The following NUMA1 variants were observed in gnomAD, a reference collection of about 807,000 sequenced individuals.
NUMA1 encodes nuclear mitotic apparatus protein 1, also known as SP-H antigen.
NUMA1 carries 62 observed loss-of-function variants against 237.1 expected under a neutral mutation model. The observed-to-expected ratio is 0.26, with a 90% CI of 0.21 to 0.32. NUMA1 has a LOEUF of 0.32. NUMA1 is among the 10% of genes least tolerant of loss of function. The pLI is 1.00. For missense variants in NUMA1, 2,533 were observed against 2,666.5 expected, an observed-to-expected ratio of 0.95 and a Z score of 1.10; for synonymous variants, 1,028 against 1,066.1, an observed-to-expected ratio of 0.96 and a Z score of 0.70.
At chr11:72,069,525 ATGGCTTAAAAACCAGGACTTCTCTGCAG>A (rs1239650499) in intron 2 of NUMA1, among the ~76,000 whole-genome samples, 5 of 152,216 alleles carry the variant, frequency 3.3e-5, no homozygotes, top group Admixed American at 2.6e-4. Context: ...CAGAGAAATG[ATGGCTTAAAAACCAGGACTTCTCTGCAG>A]TGGCCTCAAT....
intron 2 of NUMA1, among the ~76,000 whole-genome samples, chr11:72,046,407 G>A (rs1377713865): frequency 6.6e-6 from 1 of 152,176 alleles, no homozygotes; most frequent in African/African-American, 2.4e-5. Flanking sequence ...AGCTGGGTGT[G>A]GTGGCGCATG....
chr11:72,046,288 T>C (rs1941992533), intron 2 of NUMA1, among the ~76,000 whole-genome samples: 1 of 152,072 alleles, frequency 6.6e-6, no homozygotes, highest in Non-Finnish European at 1.5e-5. Context: ...CTCACGCCTG[T>C]AATCCCAGCA....
At chr11:72,019,949 G>A (rs1938519095) in intron 8 of NUMA1, among the ~76,000 whole-genome samples, 1 of 152,140 alleles carries the variant, frequency 6.6e-6, no homozygotes, top group South Asian at 2.1e-4. Context: ...GACGGCTTGG[G>A]GAGCCCTGAG....
intron 3 of NUMA1, among the ~76,000 whole-genome samples, chr11:72,034,480 G>C (rs951270238): frequency 6.6e-6 from 1 of 151,846 alleles, no homozygotes; most frequent in African/African-American, 2.4e-5. Context: ...AGGTCAAGGA[G>C]GGCGGACCAC....
intron 2 of NUMA1, among the ~76,000 whole-genome samples, chr11:72,061,752 T>C (rs1364116362): frequency 6.6e-6 from 1 of 152,080 alleles, no homozygotes. Context: ...CCTCCCAAAG[T>C]GCTGGGATTA....
chr11:72,049,560 A>ATATATATATATATATATATATATATAT (rs59229987), intron 2 of NUMA1: 778 of 40,868 alleles, frequency 0.019, 241 homozygotes, highest in East Asian at 0.036. Flanking sequence ...AAATAATAAT[A>ATATATATATATATATATATATATATAT]ATATATATAT....
intron 3 of NUMA1, among the ~76,000 whole-genome samples, chr11:72,029,675 T>C (rs1225468861): frequency 6.6e-6 from 1 of 152,234 alleles, no homozygotes; most frequent in Non-Finnish European, 1.5e-5. Context: ...TCTGTAGCTC[T>C]TGAATGTATT....
At chr11:72,056,457 G>C (rs1300930357) in intron 2 of NUMA1, among the ~76,000 whole-genome samples, 1 of 151,340 alleles carries the variant, frequency 6.6e-6, no homozygotes, top group Non-Finnish European at 1.5e-5. Flanking sequence ...AAGTAGCTGG[G>C]ATTCCAGGTG....
Position 72,014,533 on chromosome 11 carries a change from C to G in NUMA1, c.2970G>C (p.Glu990Asp). Reference protein sequence around the residue: ...ELERLRAALMESQGQQQEERG... With the variant: ...ELERLRAALMDSQGQQQEERG... ...GCTCCTCCTGCTGCTGCCCCTGGCTCTCCATCAGCGCGGCCCGCAGCCGTT... is the reference window on the plus strand; with the variant it reads ...GCTCCTCCTGCTGCTGCCCCTGGCTGTCCATCAGCGCGGCCCGCAGCCGTT... The change falls in exon 15 of 27, where the codon GAG becomes GAC. Residue 990 changes from glutamate to aspartate, a missense_variant. This residue lies in a region of NUMA1 where 1,414 missense variants were observed against 1,508.1 expected (regional missense o/e 0.94). Coordinates refer to ENST00000393695, the MANE Select transcript of NUMA1 (RefSeq NM_006185.4). This position sits in a 1 kb window ranked among gnomAD's most constrained non-coding sequence, Gnocchi z 4.6. The G allele has an allele frequency of 6.2e-7, 1 of 1,602,238 alleles. No homozygotes were observed. The highest frequency in any genetic ancestry group is 8.5e-7 in the Non-Finnish European group (1 of 1,179,962).
chr11:72,056,424 CG>C (rs1565281778), intron 2 of NUMA1, among the ~76,000 whole-genome samples: 1 of 150,258 alleles, frequency 6.7e-6, no homozygotes, highest in African/African-American at 2.5e-5. Context: ...CAGTTTCAAG[CG>C]ATTCTCCTGC....
chr11:72,054,583 G>A (rs1197070632), intron 2 of NUMA1, among the ~76,000 whole-genome samples: 2 of 151,910 alleles, frequency 1.3e-5, no homozygotes, highest in Non-Finnish European at 2.9e-5. Flanking sequence ...AATCTTTCAC[G>A]ATGTTAAGCA....
At chr11:72,009,816 T>C (rs1461339702) in intron 17 of NUMA1, among the ~76,000 whole-genome samples, 3 of 152,208 alleles carry the variant, frequency 2.0e-5, no homozygotes, top group Admixed American at 6.5e-5. Context: ...CACTTCACCC[T>C]CTTTTCAGAG....
Position 72,007,216 on chromosome 11 carries a change from C to T in NUMA1, c.5436G>A (p.Thr1812=), listed in dbSNP as rs1336963810. The change falls in exon 21 of 27, where the codon ACG becomes ACA. Residue 1812 remains threonine (T), a synonymous_variant. Coordinates refer to ENST00000393695, the MANE Select transcript of NUMA1 (RefSeq NM_006185.4). ...TGGTCATGGTGATGTTGATGATCTGCGTGGTGCGCCGACGAGCGGAGCGGG... is the reference window on the plus strand; with the variant it reads ...TGGTCATGGTGATGTTGATGATCTGTGTGGTGCGCCGACGAGCGGAGCGGG... ...RKTRSARRRT[T]QIINITMTKK... 23 of 1,611,028 alleles carry T rather than the reference C, an allele frequency of 1.4e-5. No homozygotes were observed. Among genetic ancestry groups the T allele is most frequent in the African/African-American group, 4.0e-5 (3 of 74,912 alleles).
Position 72,052,770 on chromosome 11 carries a change from CA to C in NUMA1, c.-32-16796del, listed in dbSNP as rs375208516. 1.3e-3 allele frequency among the ~76,000 whole-genome samples: 182 copies of C among 140,708 alleles called. 3 individuals are homozygous for C. In the South Asian group the frequency reaches 0.037, roughly 28 times the overall value. 92.3% of individuals were successfully genotyped at this position (140,708 alleles called of 152,430 possible). The stretch of plus-strand genomic sequence containing the variant: ...CTCCAGTCAGAGCAAGACTCCATCT[CA>C]AAAAAAAAAACAAGGGTAAGTAATA... On this transcript the variant is annotated intron_variant, in intron 2 of 26. Coordinates refer to ENST00000393695, the MANE Select transcript of NUMA1 (RefSeq NM_006185.4).
intron 9 of NUMA1, 83 bp from the exon 10 acceptor site, chr11:72,019,063 G>T (rs1294789919): frequency 6.7e-6 from 10 of 1,485,560 alleles, no homozygotes; most frequent in Admixed American, 1.9e-5. Flanking sequence ...AGGGAGCGGG[G>T]TCTATGGAAG....
intron 26 of NUMA1, 35 bp downstream of exon 26, chr11:72,003,852 C>T (rs373127454): frequency 6.1e-5 from 98 of 1,605,510 alleles, no homozygotes; most frequent in Non-Finnish European, 7.6e-5. Context: ...ATGCTCTCAT[C>T]GGGTTTCCCT....
In NUMA1 at chr11:72,015,795, C is replaced by T; in HGVS notation, c.1708G>A (p.Val570Ile). The T allele has an allele frequency of 6.2e-7, 1 of 1,614,226 alleles. No individual in the cohort carries two copies. Among genetic ancestry groups the T allele is most frequent in the Non-Finnish European group, 8.5e-7 (1 of 1,180,040 alleles). Residue 570 changes from valine to isoleucine, a missense_variant, in exon 15 of 27, where the codon GTA becomes ATA. Val to Ile is a conservative substitution (Grantham distance 29). Transcript: ENST00000393695. This position sits in a 1 kb window ranked among gnomAD's most constrained non-coding sequence, Gnocchi z 4.0. ...CTAGTTGCCTCCTGCTTCTCCGCTA[C>T]CTCCTTCAACTGCTGCTCCTTCTGC... ...LKQKEQQLKE[V>I]AEKQEATRQD...
chr11:72,041,300 A>T (rs1025863116), intron 2 of NUMA1: 9 of 152,422 alleles, frequency 5.9e-5, no homozygotes, highest in Admixed American at 4.6e-4. Context: ...TCCACGAACA[A>T]GAAAAGCAGG....
chr11:72,024,179 C>G (rs1435731702), intron 5 of NUMA1, 95 bp downstream of exon 5: 2 of 1,084,524 alleles, frequency 1.8e-6, no homozygotes, highest in Non-Finnish European at 2.8e-6. Context: ...TGAAATTTTT[C>G]TCCTCCAGAC....
Sources: allele counts gnomAD v4.1 joint callset (sites outside exome capture counted in the v4.1 genomes callset), GRCh38; gene constraint gnomAD v4.1.1; regional missense constraint gnomAD v4.1.1; non-coding constraint Gnocchi (gnomAD v3.1); transcripts MANE v1.5; gene names NCBI Gene and HGNC (gene_info 2026-07-23, HGNC 2026-07-21).